AKT3: variants seen among roughly 807,000 people sequenced by gnomAD.
The protein encoded by AKT3 is AKT serine/threonine kinase 3.
AKT3 carries 15 observed loss-of-function variants against 65.3 expected under a neutral mutation model. That is an observed-to-expected ratio of 0.23 (90% CI 0.15 to 0.35). The LOEUF (loss-of-function observed/expected upper bound fraction) is 0.35, where lower values mean the gene tolerates loss of function less well. Among genes scored for constraint, AKT3 ranks in the 10% least tolerant of loss-of-function variants. AKT3 has a pLI of 1.00. For synonymous variants in AKT3, 206 were observed against 183.8 expected, an observed-to-expected ratio of 1.12 and a Z score of -0.98; for missense variants, 243 against 576.5, an observed-to-expected ratio of 0.42 and a Z score of 5.92.
intron 2 of AKT3, among the ~76,000 whole-genome samples, chr1:243,798,028 G>GC: frequency 6.7e-6 from 1 of 148,654 alleles, no homozygotes; most frequent in South Asian, 2.2e-4. Context: ...GACTACAGGC[G>GC]CCCACCACCA....
chr1:243,774,588 T>C (rs573894037), intron 2 of AKT3, among the ~76,000 whole-genome samples: 3 of 152,248 alleles, frequency 2.0e-5, no homozygotes, highest in Middle Eastern at 3.4e-3. Flanking sequence ...ATTTTTGTTG[T>C]TTAAAAAAAA....
chr1:243,581,947 A>C (rs1675396379), intron 8 of AKT3, among the ~76,000 whole-genome samples: 1 of 152,020 alleles, frequency 6.6e-6, no homozygotes, highest in Admixed American at 6.6e-5. Context: ...TTCAAAATAC[A>C]ACTGAAAGCT....
chr1:243,767,557 T>C (rs993353065), intron 2 of AKT3, among the ~76,000 whole-genome samples: 7 of 152,110 alleles, frequency 4.6e-5, no homozygotes, highest in Non-Finnish European at 1.0e-4. Flanking sequence ...GATAACTTTT[T>C]AATTAATACT....
chr1:243,762,396 A>T (rs1215950072), intron 2 of AKT3, among the ~76,000 whole-genome samples: 1 of 152,064 alleles, frequency 6.6e-6, no homozygotes, highest in Non-Finnish European at 1.5e-5. Flanking sequence ...AAGAAGAGAT[A>T]ATGTCAAAAT....
intron 6 of AKT3, among the ~76,000 whole-genome samples, chr1:243,632,696 G>A (rs1235532700): frequency 6.6e-6 from 1 of 152,160 alleles, no homozygotes; most frequent in Non-Finnish European, 1.5e-5. Flanking sequence ...AAAATCTGTG[G>A]TTTCGTGTAG....
rs1029353809 is a variant in AKT3, at chr1:243,544,819, T to C, written c.1251+691A>G. Among the ~76,000 whole-genome samples, 5 of 151,418 alleles carry C rather than the reference T, an allele frequency of 3.3e-5. No homozygotes were observed. In the South Asian group the frequency reaches 1.1e-3, roughly 32 times the overall value. ...CCTGTGCTCAAGCAATTCTCCTGCCTGCCTTAGCAGCCTTCTTAGGAGTGC... is the reference window on the plus strand; with the variant it reads ...CCTGTGCTCAAGCAATTCTCCTGCCCGCCTTAGCAGCCTTCTTAGGAGTGC... On this transcript the variant is annotated intron_variant, in intron 12 of 13. Coordinates refer to ENST00000673466, the MANE Select transcript of AKT3 (RefSeq NM_005465.7).
chr1:243,784,638 CG>C (rs899091392), intron 2 of AKT3, among the ~76,000 whole-genome samples: 1 of 152,162 alleles, frequency 6.6e-6, no homozygotes, highest in Admixed American at 6.5e-5. Flanking sequence ...TCCCTCATGC[CG>C]GGTGATACTG....
At chr1:243,797,328 T>G (rs575024191) in intron 2 of AKT3, among the ~76,000 whole-genome samples, 2 of 152,246 alleles carry the variant, frequency 1.3e-5, no homozygotes, top group South Asian at 4.2e-4. Context: ...CTATATAAAA[T>G]TATCCTGTTT....
At chr1:243,698,087 C>G (rs1043387509) in intron 2 of AKT3, among the ~76,000 whole-genome samples, 11 of 152,018 alleles carry the variant, frequency 7.2e-5, no homozygotes, top group African/African-American at 2.7e-4. Context: ...GCCTAATACA[C>G]AATTCCCACG....
intron 13 of AKT3, among the ~76,000 whole-genome samples, chr1:243,508,917 C>G (rs2148354198): frequency 1.3e-5 from 2 of 152,144 alleles, no homozygotes; most frequent in South Asian, 4.2e-4. Flanking sequence ...AGTGATCCAC[C>G]CGCCTTGGCC....
intron 13 of AKT3, among the ~76,000 whole-genome samples, chr1:243,508,840 A>AT (rs1014685631): frequency 2.1e-4 from 31 of 149,332 alleles, no homozygotes; most frequent in African/African-American, 3.5e-4. Context: ...TAATTTTTGT[A>AT]TTTTTTTTTG....
chr1:243,681,099 C>T (rs1336723020), intron 3 of AKT3, among the ~76,000 whole-genome samples: 1 of 152,080 alleles, frequency 6.6e-6, no homozygotes, highest in Admixed American at 6.6e-5. Context: ...GGTTTATCTC[C>T]CAGCTCCATC....
At chr1:243,608,775 C>G (rs1292955096) in intron 8 of AKT3, among the ~76,000 whole-genome samples, 1 of 78,252 alleles carries the variant, frequency 1.3e-5, no homozygotes, top group Non-Finnish European at 2.2e-5. Flanking sequence ...TTTTTTGAGA[C>G]GGAGTCTTGC....
chr1:243,826,209 A>C (rs531817855), intron 2 of AKT3, among the ~76,000 whole-genome samples: 1 of 152,258 alleles, frequency 6.6e-6, no homozygotes, highest in East Asian at 1.9e-4. Context: ...TCAGAATAAT[A>C]CCCGACAAGA....
Position 243,688,825 on chromosome 1 carries a change from G to A in AKT3, c.172+6766C>T, listed in dbSNP as rs564203196. ...TCTGATTACTAACTCTCTAATCTGA[G>A]CTTTTTTTTTTCCTCCAGCATAAAT... On this transcript the variant is annotated intron_variant, in intron 3 of 13. Coordinates refer to ENST00000673466, the MANE Select transcript of AKT3 (RefSeq NM_005465.7). 4.0e-5 allele frequency among the ~76,000 whole-genome samples: 6 copies of A among 151,860 alleles called. No individual in the cohort carries two copies. The South Asian group carries it at 1.3e-3, about 32-fold the overall frequency.
intron 2 of AKT3, among the ~76,000 whole-genome samples, chr1:243,799,210 G>C (rs1558822050): frequency 6.6e-6 from 1 of 151,988 alleles, no homozygotes; most frequent in Non-Finnish European, 1.5e-5. Context: ...AATGGGGAGG[G>C]AATGGGTGGG....
intron 2 of AKT3, among the ~76,000 whole-genome samples, chr1:243,794,894 C>T (rs561861434): frequency 2.0e-5 from 3 of 152,336 alleles, no homozygotes; most frequent in African/African-American, 4.8e-5. Flanking sequence ...TTACCACTCA[C>T]GCACCAGGTT....
At chr1:243,526,024 C>T (rs1365370817) in intron 12 of AKT3, among the ~76,000 whole-genome samples, 3 of 151,138 alleles carry the variant, frequency 2.0e-5, no homozygotes, top group Non-Finnish European at 4.4e-5. Context: ...TGTCACGGTT[C>T]CATGAGAGAA....
intron 2 of AKT3, among the ~76,000 whole-genome samples, chr1:243,732,842 C>G (rs1485090890): frequency 1.3e-5 from 2 of 152,190 alleles, no homozygotes; most frequent in Non-Finnish European, 2.9e-5. Flanking sequence ...ATTGAGAGAA[C>G]ACTGTTAATC....
Sources: allele counts gnomAD v4.1 joint callset (sites outside exome capture counted in the v4.1 genomes callset), GRCh38; gene constraint gnomAD v4.1.1; transcripts MANE v1.5; gene names NCBI Gene and HGNC (gene_info 2026-07-23, HGNC 2026-07-21).